NAMPT: variants seen among roughly 807,000 people sequenced by gnomAD.
NAMPT encodes NAmPRTase.
NAMPT carries 7 observed loss-of-function variants against 58.7 expected under a neutral mutation model. The observed-to-expected ratio is 0.12, with a 90% CI of 0.07 to 0.22. NAMPT has a LOEUF of 0.22. NAMPT is among the 10% of genes least tolerant of loss of function. The pLI is 1.00. For synonymous variants in NAMPT, 145 were observed against 198.1 expected (o/e 0.73, Z 2.25); for missense variants, 271 against 567.9 (o/e 0.48, Z 5.31).
Position 106,261,994 on chromosome 7 carries a change from G to GA in NAMPT, c.970-288dup, listed in dbSNP as rs967409024. On this transcript the variant is annotated intron_variant, in intron 7 of 10. Coordinates refer to ENST00000222553, the MANE Select transcript of NAMPT (RefSeq NM_005746.3). ...ACCTTTCAAATTATATGGATTCAAG[G>GA]AAAAAAAAATCCTTAATATTAAATA... Among the ~76,000 whole-genome samples, 27 of 149,520 alleles carry GA rather than the reference G, an allele frequency of 1.8e-4. No homozygotes were observed. In the South Asian group the frequency reaches 1.9e-3, roughly 10 times the overall value.
intron 8 of NAMPT, 95 bp from the exon 9 acceptor site, chr7:106,254,599 C>G (rs1792167276): frequency 7.4e-7 from 1 of 1,359,600 alleles, no homozygotes; most frequent in Non-Finnish European, 1.0e-6. Flanking sequence ...ATGAAGCATC[C>G]AAGACTGTTT....
chr7:106,258,122 C>T (rs1431396522), intron 8 of NAMPT, among the ~76,000 whole-genome samples: 3 of 152,156 alleles, frequency 2.0e-5, no homozygotes, highest in East Asian at 3.8e-4. Context: ...CCCCTATGTC[C>T]CAACACCAAA....
intron 1 of NAMPT, among the ~76,000 whole-genome samples, chr7:106,279,325 G>T (rs374213755): frequency 1.8e-4 from 28 of 152,240 alleles, no homozygotes; most frequent in African/African-American, 6.3e-4. Flanking sequence ...AAGTTATCTA[G>T]GCAAACTCGC....
intron 4 of NAMPT, chr7:106,272,214 T>C: frequency 3.5e-6 from 1 of 282,278 alleles, no homozygotes; most frequent in Non-Finnish European, 7.3e-6. Flanking sequence ...ACTAGAAATG[T>C]GCTGTTTTTC....
At chr7:106,271,948 C>A in intron 4 of NAMPT, 1 of 194,866 alleles carries the variant, frequency 5.1e-6, no homozygotes, top group Non-Finnish European at 1.2e-5. Context: ...CATATGACTA[C>A]TTAGGTATAC....
chr7:106,254,674 A>G (rs2115725916), intron 8 of NAMPT, among the ~76,000 whole-genome samples, 170 bp from the exon 9 acceptor site: 1 of 152,282 alleles, frequency 6.6e-6, no homozygotes, highest in East Asian at 1.9e-4. Context: ...CACCCCCAAA[A>G]GATGGATATG....
chr7:106,283,065 T>C (rs936912062), intron 1 of NAMPT, among the ~76,000 whole-genome samples: 3 of 152,202 alleles, frequency 2.0e-5, no homozygotes, highest in Admixed American at 1.3e-4. Flanking sequence ...GGTAAGCCAC[T>C]GGTATAAAAC....
chr7:106,276,843 CAA>C (rs1303169839), intron 2 of NAMPT, 178 bp downstream of exon 2: 545 of 417,406 alleles, frequency 1.3e-3, no homozygotes, highest in African/African-American at 1.8e-3. Flanking sequence ...ACTCGGTTTC[CAA>C]AAAAAAAAAA....
At chr7:106,267,335 C>T (rs1016556054) in intron 6 of NAMPT, among the ~76,000 whole-genome samples, 21 of 152,160 alleles carry the variant, frequency 1.4e-4, no homozygotes, top group South Asian at 4.1e-4. Context: ...CCTTCTAACC[C>T]TTGTTGCACC....
intron 6 of NAMPT, among the ~76,000 whole-genome samples, chr7:106,267,851 A>C (rs1266558917): frequency 9.4e-6 from 1 of 106,244 alleles, no homozygotes; most frequent in Non-Finnish European, 2.0e-5. Flanking sequence ...AAAAAAAAAA[A>C]AAAAAAAAAA....
rs1355166867 is a variant in NAMPT at position 106,248,457 on chromosome 7, T to A, written c.*2626A>T. On this transcript the variant is annotated 3_prime_UTR_variant, in exon 11 of 11. Coordinates refer to ENST00000222553, the MANE Select transcript of NAMPT (RefSeq NM_005746.3). ...AAACTACAAAATACTTAAGTGTGAG[T>A]TCTAAATTATGGCAAACAGAACAAT... 1 of 152,476 alleles carries A rather than the reference T, an allele frequency of 6.6e-6. No homozygotes were observed. Among genetic ancestry groups the A allele is most frequent in the East Asian group, 1.9e-4 (1 of 5,190 alleles). The allele number at this position is 152,476 out of a possible 1,614,324, so 9.4% of individuals were successfully genotyped here.
At chr7:106,267,840 C>CAAAAAAAAAAACAA (rs1792448151) in intron 6 of NAMPT, among the ~76,000 whole-genome samples, 2 of 33,174 alleles carry the variant, frequency 6.0e-5, no homozygotes, top group African/African-American at 2.3e-4. Flanking sequence ...GACTCCGTCT[C>CAAAAAAAAAAACAA]AAAAAAAAAA....
chr7:106,263,687 CAT>C, intron 6 of NAMPT, 70 bp from the exon 7 acceptor site: 6 of 1,132,576 alleles, frequency 5.3e-6, no homozygotes, highest in South Asian at 5.2e-5. Context: ...CACCTTTAAT[CAT>C]ATCTCATGTT....
chr7:106,284,850 A>C lies in NAMPT; in HGVS notation c.35T>G (p.Leu12Arg). Reference protein sequence around the residue: ...NPAAEAEFNILLATDSYKVTH... With the variant: ...NPAAEAEFNIRLATDSYKVTH... The stretch of plus-strand genomic sequence containing the variant: ...TACCTTGTAGGAGTCGGTGGCCAGG[A>C]GGATGTTGAACTCGGCTTCTGCCGC... Residue 12 changes from leucine (L) to arginine (R), a missense_variant, in exon 1 of 11, where the codon CTC (leucine) becomes CGC (arginine). This residue lies in a region of NAMPT where 23 missense variants were observed against 16.4 expected (regional missense o/e 1.40). Transcript: ENST00000222553. The C allele has an allele frequency of 6.4e-7, 1 of 1,567,538 alleles. No individual in the cohort carries two copies. The highest frequency in any genetic ancestry group is 8.7e-7 in the Non-Finnish European group (1 of 1,155,032).
chr7:106,284,171 C>T lies in NAMPT; in HGVS notation c.57+657G>A, dbSNP rs144433076. On this transcript the variant is annotated intron_variant, in intron 1 of 10. Coordinates refer to ENST00000222553, the MANE Select transcript of NAMPT (RefSeq NM_005746.3). The stretch of plus-strand genomic sequence containing the variant: ...GGCCTCTACACCCAGGGATAAGGAG[C>T]ACGAGCAATCACTAGGTGCCAAGGA... Among the ~76,000 whole-genome samples the T allele has an allele frequency of 4.6e-5, 7 of 152,316 alleles. No homozygotes were observed. The East Asian group carries it at 1.2e-3, about 25-fold the overall frequency.
In NAMPT at chr7:106,275,313, ATTAAC is replaced by A. The variant is rs575605657; in HGVS notation, c.215-269_215-265del. ...TACTTGCACAGCTTTTAAAAATGATATTAACTTAATTTTTTTCTCTCGATTAATTT... is the reference window on the plus strand; with the variant it reads ...TACTTGCACAGCTTTTAAAAATGATATTAATTTTTTTCTCTCGATTAATTT... On this transcript the variant is annotated intron_variant, in intron 2 of 10. Coordinates refer to ENST00000222553, the MANE Select transcript of NAMPT (RefSeq NM_005746.3). 3.6e-3 allele frequency: 817 copies of A among 229,882 alleles called. 6 individuals carry two copies. The highest frequency in any genetic ancestry group is 5.2e-3 in the Non-Finnish European group (624 of 118,864). The allele number at this position is 229,882 out of a possible 1,614,324, so 14.2% of individuals were successfully genotyped here.
At chr7:106,272,460 C>G in intron 4 of NAMPT, 70 bp downstream of exon 4, 1 of 1,392,776 alleles carries the variant, frequency 7.2e-7, no homozygotes, top group Non-Finnish European at 9.8e-7. Flanking sequence ...GTAACAAATT[C>G]TAAACTGTAA....
intron 4 of NAMPT, 32 bp from the exon 5 acceptor site, chr7:106,269,344 G>A: frequency 6.4e-7 from 1 of 1,566,998 alleles, no homozygotes; most frequent in East Asian, 2.3e-5. Flanking sequence ...CAAATATTAA[G>A]ACATAAAATA....
intron 8 of NAMPT, among the ~76,000 whole-genome samples, chr7:106,255,674 A>G (rs1792186586): frequency 6.6e-6 from 1 of 152,338 alleles, no homozygotes; most frequent in South Asian, 2.1e-4. Context: ...TATAAAACTT[A>G]TTTAAAAGTG....
Sources: allele counts gnomAD v4.1 joint callset (sites outside exome capture counted in the v4.1 genomes callset), GRCh38; gene constraint gnomAD v4.1.1; regional missense constraint gnomAD v4.1.1; transcripts MANE v1.5; gene names NCBI Gene and HGNC (gene_info 2026-07-23, HGNC 2026-07-21).